Variants in SLC41A2 observed in about 807,000 individuals in gnomAD.
SLC41A2 encodes SLC41A1-like 1.
In SLC41A2, 32 loss-of-function variants were observed where a neutral mutation model predicts 58.3. The observed-to-expected ratio is 0.55, with a 90% CI of 0.41 to 0.74. The LOEUF is 0.74. SLC41A2 is among the 30% of genes least tolerant of loss of function. The pLI is 0.00. For synonymous variants in SLC41A2, 190 were observed against 235.0 expected, an observed-to-expected ratio of 0.81 and a Z score of 1.75; for missense variants, 514 against 680.6, an observed-to-expected ratio of 0.76 and a Z score of 2.72.
chr12:104,846,958 C>G (rs2042619116), intron 8 of SLC41A2, among the ~76,000 whole-genome samples: 2 of 151,936 alleles, frequency 1.3e-5, no homozygotes, highest in South Asian at 2.1e-4. Flanking sequence ...GTATAATGTC[C>G]ATCATTCAAT....
chr12:104,806,344 T>G (rs1592903009), intron 10 of SLC41A2, among the ~76,000 whole-genome samples: 1 of 152,262 alleles, frequency 6.6e-6, no homozygotes. Context: ...GATAGTTTGC[T>G]GAGAATGATG....
chr12:104,846,227 G>T (rs1007983716), intron 8 of SLC41A2, among the ~76,000 whole-genome samples: 3 of 152,136 alleles, frequency 2.0e-5, no homozygotes, highest in African/African-American at 4.8e-5. Flanking sequence ...ATTTTTAAAA[G>T]TCATTATCAA....
intron 2 of SLC41A2, among the ~76,000 whole-genome samples, chr12:104,916,301 G>T (rs1479592621): frequency 2.6e-5 from 4 of 152,226 alleles, no homozygotes; most frequent in Non-Finnish European, 5.9e-5. Flanking sequence ...AGTTAGGGAG[G>T]ATTCCCTCTT....
At chr12:104,810,659 T>C (rs931612941) in intron 10 of SLC41A2, among the ~76,000 whole-genome samples, 1 of 152,196 alleles carries the variant, frequency 6.6e-6, no homozygotes, top group African/African-American at 2.4e-5. Flanking sequence ...TAGCCGATTA[T>C]TCCTTGCCAC....
intron 10 of SLC41A2, among the ~76,000 whole-genome samples, chr12:104,812,004 A>C (rs1026047298): frequency 6.6e-6 from 1 of 152,208 alleles, no homozygotes; most frequent in Non-Finnish European, 1.5e-5. Context: ...GAGATGCAGG[A>C]CTCAAGGACA....
chr12:104,909,518 A>G, intron 3 of SLC41A2, 137 bp downstream of exon 3: 1 of 598,124 alleles, frequency 1.7e-6, no homozygotes, highest in Non-Finnish European at 2.9e-6. Context: ...AGAATATGAT[A>G]TCAGGCATAA....
At chr12:104,902,221 T>C (rs948813397) in intron 3 of SLC41A2, among the ~76,000 whole-genome samples, 15 of 152,204 alleles carry the variant, frequency 9.9e-5, no homozygotes, top group African/African-American at 3.1e-4. Flanking sequence ...CCTGGAACCA[T>C]TGAGTACAGT....
At chr12:104,955,794 T>A (rs1043916843) in intron 1 of SLC41A2, among the ~76,000 whole-genome samples, 1 of 151,970 alleles carries the variant, frequency 6.6e-6, no homozygotes, top group African/African-American at 2.4e-5. Flanking sequence ...TGATGCTGAA[T>A]TTGTGTGCGC....
At chr12:104,808,777 C>T (rs1430041307) in intron 10 of SLC41A2, among the ~76,000 whole-genome samples, 1 of 152,194 alleles carries the variant, frequency 6.6e-6, no homozygotes, top group Non-Finnish European at 1.5e-5. Flanking sequence ...GATTCAACTT[C>T]TTCCTGGTTT....
At chr12:104,922,915 C>A (rs1268526979) in intron 2 of SLC41A2, among the ~76,000 whole-genome samples, 1 of 152,024 alleles carries the variant, frequency 6.6e-6, no homozygotes, top group South Asian at 2.1e-4. Context: ...AAACCACATG[C>A]TCCTGAGTGA....
intron 10 of SLC41A2, among the ~76,000 whole-genome samples, chr12:104,822,440 C>A (rs2041673483): frequency 1.3e-5 from 2 of 152,042 alleles, no homozygotes; most frequent in African/African-American, 4.8e-5. Flanking sequence ...AGTGTCTTTC[C>A]AAAGCGCTAC....
intron 2 of SLC41A2, among the ~76,000 whole-genome samples, chr12:104,926,583 G>A (rs550931917): frequency 2.7e-5 from 4 of 147,844 alleles, no homozygotes; most frequent in Non-Finnish European, 3.0e-5. Flanking sequence ...GCTAGACTGC[G>A]CCTTAAAAAA....
At chr12:104,809,394 G>A (rs2041071967) in intron 10 of SLC41A2, among the ~76,000 whole-genome samples, 2 of 152,188 alleles carry the variant, frequency 1.3e-5, no homozygotes, top group Non-Finnish European at 2.9e-5. Context: ...CCAGGAAGGA[G>A]AGTGGCTTGT....
At chr12:104,899,383 G>C (rs775198310) in intron 3 of SLC41A2, among the ~76,000 whole-genome samples, 1 of 152,128 alleles carries the variant, frequency 6.6e-6, no homozygotes, top group Non-Finnish European at 1.5e-5. Context: ...AAACCAGACA[G>C]TGTAGATAAC....
Position 104,866,560 on chromosome 12 carries a change from A to G in SLC41A2, c.1047T>C (p.Ser349=). ...YSCLETYYYI[S]PLVGVFFLAL... ...CCAAGAAAAATACACCAACTAATGG[A>G]GAAATGTAGTAATAGGTCTCTAAAA... Residue 349 remains serine, a synonymous_variant, in exon 7 of 11, where the codon TCT becomes TCC. Coordinates refer to ENST00000258538, the MANE Select transcript of SLC41A2 (RefSeq NM_001352171.3). 1 of 1,590,578 alleles carries G rather than the reference A, an allele frequency of 6.3e-7. No homozygotes were observed.
intron 10 of SLC41A2, chr12:104,833,969 A>C (rs1218198504): frequency 4.2e-6 from 4 of 959,714 alleles, no homozygotes; most frequent in Non-Finnish European, 5.0e-6. Context: ...AGCAGGATTC[A>C]GAGCACAGGA....
chr12:104,850,204 A>C (rs1382230979), intron 8 of SLC41A2, among the ~76,000 whole-genome samples: 1 of 152,114 alleles, frequency 6.6e-6, no homozygotes, highest in African/African-American at 2.4e-5. Context: ...TTTCCCTCCA[A>C]AAAAAAGTGA....
chr12:104,889,257 A>G, intron 4 of SLC41A2, 80 bp from the exon 5 acceptor site: 1 of 1,394,014 alleles, frequency 7.2e-7, no homozygotes, highest in Non-Finnish European at 9.8e-7. Flanking sequence ...AAATATTACT[A>G]CAAAAAGTCA....
intron 8 of SLC41A2, among the ~76,000 whole-genome samples, chr12:104,850,718 G>C (rs917053990): frequency 7.9e-5 from 12 of 152,146 alleles, no homozygotes; most frequent in African/African-American, 2.9e-4. Flanking sequence ...ACTAAATGTA[G>C]CTTCATGATT....
Sources: allele counts gnomAD v4.1 joint callset (sites outside exome capture counted in the v4.1 genomes callset), GRCh38; gene constraint gnomAD v4.1.1; transcripts MANE v1.5; gene names NCBI Gene and HGNC (gene_info 2026-07-23, HGNC 2026-07-21).